ZNF236: variants seen among roughly 807,000 people sequenced by gnomAD.
The protein encoded by ZNF236 is regulated by glucose.
Under a neutral mutation model 191.2 loss-of-function variants are expected in ZNF236, and 50 were observed. The ratio of observed to expected loss-of-function variants is 0.26; its 90% CI spans 0.21 to 0.33. The LOEUF (loss-of-function observed/expected upper bound fraction) is 0.33. Ranked by LOEUF, ZNF236 falls within the 10% of genes least tolerant of loss-of-function variation. The pLI, the probability that ZNF236 is intolerant of heterozygous loss-of-function variation, is 1.00. For missense variants in ZNF236, 1,754 were observed against 2,374.5 expected (o/e 0.74, Z 5.43); for synonymous variants, 907 against 928.8 (o/e 0.98, Z 0.43).
chr18:76,892,457 C>G (rs1021520014), intron 9 of ZNF236, among the ~76,000 whole-genome samples: 2 of 137,350 alleles, frequency 1.5e-5, no homozygotes, highest in African/African-American at 5.0e-5. Flanking sequence ...ATGTTTTATT[C>G]ACCTTTTCCT....
intron 3 of ZNF236, among the ~76,000 whole-genome samples, chr18:76,864,614 A>T (rs982576554): frequency 6.6e-6 from 1 of 151,060 alleles, no homozygotes; most frequent in East Asian, 1.9e-4. Context: ...AATATAATAC[A>T]CTGTTCTTCT....
intron 3 of ZNF236, 61 bp from the exon 4 acceptor site, chr18:76,868,624 G>A (rs563364368): frequency 7.0e-7 from 1 of 1,426,226 alleles, no homozygotes; most frequent in South Asian, 1.4e-5. Context: ...GATCATACCA[G>A]TTCTTTGAAG....
At chr18:76,955,146 C>T (rs1183175199) in intron 27 of ZNF236, among the ~76,000 whole-genome samples, 1 of 152,138 alleles carries the variant, frequency 6.6e-6, no homozygotes, top group Non-Finnish European at 1.5e-5. Flanking sequence ...CAGTGTCTCA[C>T]ACTGTAATCC....
In ZNF236 at chr18:76,871,490, AT is replaced by A. The variant is rs3835318; in HGVS notation, c.543-203del. Among the ~76,000 whole-genome samples the A allele has an allele frequency of 5.3e-4, 81 of 152,210 alleles. No homozygotes were observed. In the East Asian group the frequency reaches 7.0e-3, roughly 13 times the overall value. ...TCTGTTTTTGACCTGGAAAAAACAA[AT>A]TTTTTTTCATCAAAAATAGAGAAAA... On this transcript the variant is annotated intron_variant, in intron 4 of 30. Coordinates refer to ENST00000320610, the MANE Select transcript of ZNF236 (RefSeq NM_001306089.2).
Position 76,927,541 on chromosome 18 carries a change from A to G in ZNF236, c.4414+24A>G, listed in dbSNP as rs984168923. On this transcript the variant is annotated intron_variant, in intron 24 of 30. Coordinates refer to ENST00000320610, the MANE Select transcript of ZNF236 (RefSeq NM_001306089.2). This position sits in a 1 kb window ranked among gnomAD's most constrained non-coding sequence, Gnocchi z 5.4. ...TGGTAAGAGCCACTCACTTTTGCTTATTTTGACAGCTGGAGTTTCAGTTTC... is the reference window on the plus strand; with the variant it reads ...TGGTAAGAGCCACTCACTTTTGCTTGTTTTGACAGCTGGAGTTTCAGTTTC... The G allele has an allele frequency of 6.3e-7, 1 of 1,592,218 alleles. No individual in the cohort carries two copies.
At chr18:76,922,542 G>GT (rs1317536842) in intron 20 of ZNF236, among the ~76,000 whole-genome samples, 3 of 149,514 alleles carry the variant, frequency 2.0e-5, no homozygotes, top group Non-Finnish European at 4.4e-5. Context: ...GAGTTCTTGG[G>GT]TTTTTTAAGG....
chr18:76,844,321 G>C (rs979884143), intron 1 of ZNF236, among the ~76,000 whole-genome samples: 1 of 152,072 alleles, frequency 6.6e-6, no homozygotes, highest in Non-Finnish European at 1.5e-5. Context: ...CCTGATGCCT[G>C]TCAGGTGTTC....
chr18:76,822,930 G>A (rs1220213170), intron 1 of ZNF236, among the ~76,000 whole-genome samples: 3 of 148,254 alleles, frequency 2.0e-5, no homozygotes, highest in Non-Finnish European at 3.0e-5. Context: ...GGAGGCGGGT[G>A]AGGGAGCAGG....
rs888655766 is a variant in ZNF236 at position 76,956,092 on chromosome 18, C to T, written c.5022C>T (p.Leu1674=). 1 of 1,591,298 alleles carries T rather than the reference C, an allele frequency of 6.3e-7. No homozygotes were observed. The highest frequency in any genetic ancestry group is 8.5e-7 in the Non-Finnish European group (1 of 1,169,936). The change falls in exon 28 of 31, where the codon CTC becomes CTT. Residue 1674 remains leucine (L), a synonymous_variant. Coordinates refer to ENST00000320610, the MANE Select transcript of ZNF236 (RefSeq NM_001306089.2). ...GCGCCTTCTCATCGGCGGCGGTGCT[C>T]ATGCACCACAGCAAGGAGGTGCATG... ...CDRAFSSAAV[L]MHHSKEVHGR...
At chr18:76,941,603 G>A (rs1406938208) in intron 26 of ZNF236, among the ~76,000 whole-genome samples, 2 of 152,182 alleles carry the variant, frequency 1.3e-5, no homozygotes, top group Non-Finnish European at 2.9e-5. Context: ...CTTCCACTCT[G>A]GCCTGCGGAC....
chr18:76,827,739 C>T (rs1303193752), intron 1 of ZNF236, among the ~76,000 whole-genome samples: 1 of 152,192 alleles, frequency 6.6e-6, no homozygotes, highest in Non-Finnish European at 1.5e-5. Flanking sequence ...GTGAGTCTCA[C>T]AGGCATCGAT....
chr18:76,925,381 A>G lies in ZNF236; in HGVS notation c.3854A>G (p.Lys1285Arg), dbSNP rs373950719. Residue 1285 changes from lysine (K) to arginine (R), a missense_variant, in exon 22 of 31, where the codon AAG becomes AGG. Lys to Arg is a conservative substitution (Grantham distance 26). Coordinates refer to ENST00000320610, the MANE Select transcript of ZNF236 (RefSeq NM_001306089.2). The surrounding 1 kb of genome is among the most constrained non-coding windows in gnomAD (Gnocchi z 5.7). Reference sequence around the variant, plus strand: ...AAACCAGACCCAAAGAAGGCCAGAAAGCCTATGACTCGAAGCTCATCGGAA... The same window carrying G: ...AAACCAGACCCAAAGAAGGCCAGAAGGCCTATGACTCGAAGCTCATCGGAA... The part of the protein sequence containing the change: ...HYKPDPKKAR[K>R]PMTRSSSEGL... 7 of 1,614,090 alleles carry G rather than the reference A, an allele frequency of 4.3e-6. No homozygotes were observed. Among genetic ancestry groups the G allele is most frequent in the African/African-American group, 2.7e-5 (2 of 74,916 alleles).
intron 1 of ZNF236, among the ~76,000 whole-genome samples, chr18:76,840,097 G>A (rs1345041913): frequency 6.6e-6 from 1 of 152,144 alleles, no homozygotes; most frequent in East Asian, 1.9e-4. Context: ...TGTGTGTGTA[G>A]TGCATGAATA....
chr18:76,841,131 G>C (rs1227354875), intron 1 of ZNF236: 3 of 152,306 alleles, frequency 2.0e-5, no homozygotes, highest in Non-Finnish European at 4.4e-5. Flanking sequence ...TAGAGGCAAG[G>C]TTTCACCATG....
At position 76,960,701 on chromosome 18, in the gene ZNF236, G is replaced by A. The variant is rs982238192; in HGVS notation, c.5265G>A (p.Thr1755=). ...CAGGGGAGCGGCCGTTCCATTGCAC[G>A]CTTTGTGAGAAAGCCTTCAACCAGA... ...IHTGERPFHC[T]LCEKAFNQKS... Residue 1755 remains threonine, a synonymous_variant, in exon 30 of 31, where the codon ACG becomes ACA. Coordinates refer to ENST00000320610, the MANE Select transcript of ZNF236 (RefSeq NM_001306089.2). The surrounding 1 kb of genome is among the most constrained non-coding windows in gnomAD (Gnocchi z 4.4). 46 of 1,613,928 alleles carry A rather than the reference G, an allele frequency of 2.9e-5. No homozygotes were observed. Among genetic ancestry groups the A allele is most frequent in the Non-Finnish European group, 3.6e-5 (42 of 1,180,008 alleles).
At chr18:76,897,200 A>G (rs1977450720) in intron 10 of ZNF236, among the ~76,000 whole-genome samples, 1 of 151,246 alleles carries the variant, frequency 6.6e-6, no homozygotes, top group African/African-American at 2.4e-5. Flanking sequence ...GGTACCGCAT[A>G]AAGTACCAAA....
chr18:76,846,425 C>T (rs976869415), intron 1 of ZNF236, among the ~76,000 whole-genome samples: 1 of 152,144 alleles, frequency 6.6e-6, no homozygotes, highest in Admixed American at 6.5e-5. Context: ...GCAGTGGAGG[C>T]CACCACGTCC....
chr18:76,896,390 C>T (rs908755189), intron 10 of ZNF236, among the ~76,000 whole-genome samples: 12 of 142,106 alleles, frequency 8.4e-5, no homozygotes, highest in African/African-American at 2.4e-4. Flanking sequence ...AACTCAGTAT[C>T]GAACACAGTA....
chr18:76,878,915 A>G (rs1976791511), intron 7 of ZNF236, among the ~76,000 whole-genome samples: 1 of 152,142 alleles, frequency 6.6e-6, no homozygotes, highest in African/African-American at 2.4e-5. Context: ...CATTAGGTTT[A>G]CCTTTAGTGT....
Sources: allele counts gnomAD v4.1 joint callset (sites outside exome capture counted in the v4.1 genomes callset), GRCh38; gene constraint gnomAD v4.1.1; non-coding constraint Gnocchi (gnomAD v3.1); transcripts MANE v1.5; gene names NCBI Gene and HGNC (gene_info 2026-07-23, HGNC 2026-07-21).